IL17RA: variants seen among roughly 807,000 people sequenced by gnomAD.
IL17RA encodes interleukin-17 receptor A.
IL17RA carries 34 observed loss-of-function variants against 50.4 expected under a neutral mutation model. That is an observed-to-expected ratio of 0.67 (90% CI 0.51 to 0.90). The LOEUF (loss-of-function observed/expected upper bound fraction) is 0.90, where lower values mean the gene tolerates loss of function less well. IL17RA is among the 40% of genes least tolerant of loss of function. IL17RA has a pLI of 0.00. For missense variants in IL17RA, 1,276 were observed against 1,169.8 expected (o/e 1.09, Z -1.32); for synonymous variants, 585 against 510.4 (o/e 1.15, Z -1.97).
In IL17RA at chr22:17,114,936, C is replaced by G. The variant is rs529999965; in HGVS notation, c.*5116C>G. 1 of 152,238 alleles carries G rather than the reference C, an allele frequency of 6.6e-6. No individual in the cohort carries two copies. Among genetic ancestry groups the G allele is most frequent in the Non-Finnish European group, 1.5e-5 (1 of 68,072 alleles). 9.4% of individuals were successfully genotyped at this position (152,238 alleles called of 1,614,324 possible). ...AAAGCAGCCCTGAAGGTGGCTGTGA[C>G]GAGGGAAGGGGCAGAGGGCCTGACA... is the stretch of plus-strand genomic sequence containing the variant. On this transcript the variant is annotated 3_prime_UTR_variant, in exon 13 of 13. Transcript: ENST00000319363.
chr22:17,106,015 T>A, intron 11 of IL17RA, 61 bp downstream of exon 11: 1 of 1,284,660 alleles, frequency 7.8e-7, no homozygotes, highest in South Asian at 1.2e-5. Context: ...CACCACTCAC[T>A]ACCAAGGCAA....
At chr22:17,101,745 A>T (rs1219282350) in intron 5 of IL17RA, among the ~76,000 whole-genome samples, 1 of 152,136 alleles carries the variant, frequency 6.6e-6, no homozygotes, top group East Asian at 1.9e-4. Flanking sequence ...GGGGACCAAG[A>T]TTGCTTGGTC....
In IL17RA at chr22:17,100,346, T is replaced by C; in HGVS notation, c.424-9T>C. 1 of 1,614,056 alleles carries C rather than the reference T, an allele frequency of 6.2e-7. No individual in the cohort carries two copies. The highest frequency in any genetic ancestry group is 1.1e-5 in the South Asian group (1 of 91,068). ...ATCCATCCACCTTCCCTTCCTCCCT[T>C]CTCTTCAGTGGCGTTTTACCTTCAG... On this transcript the variant is annotated splice_polypyrimidine_tract_variant and intron_variant, in intron 4 of 12. Coordinates refer to ENST00000319363, the MANE Select transcript of IL17RA (RefSeq NM_014339.7).
chr22:17,085,444 G>A (rs1421731315), intron 1 of IL17RA, among the ~76,000 whole-genome samples: 1 of 152,150 alleles, frequency 6.6e-6, no homozygotes, highest in East Asian at 1.9e-4. Flanking sequence ...TACGGGGGGG[G>A]TGGGTGGCAC....
chr22:17,085,719 G>A (rs1413722145), intron 1 of IL17RA, among the ~76,000 whole-genome samples: 1 of 152,184 alleles, frequency 6.6e-6, no homozygotes. Flanking sequence ...GCCCTCGGGA[G>A]CTTCCCTCAA....
chr22:17,097,651 G>A, intron 2 of IL17RA, 146 bp from the exon 3 acceptor site: 3 of 846,046 alleles, frequency 3.5e-6, no homozygotes, highest in Non-Finnish European at 5.7e-6. Flanking sequence ...GAGCAGGGCA[G>A]TAAAGCTGAG....
chr22:17,097,630 T>C (rs1454063380), intron 2 of IL17RA, 167 bp from the exon 3 acceptor site: 7 of 701,342 alleles, frequency 1.0e-5, no homozygotes, highest in Non-Finnish European at 1.7e-5. Context: ...CAGTAAACAT[T>C]AGAGAAGAGG....
rs368478497 is a variant in IL17RA at position 17,103,707 on chromosome 22, AGT to A, written c.846+132_846+133del. 6.9e-3 allele frequency: 4,987 copies of A among 726,480 alleles called. 159 individuals are homozygous for A. In the African/African-American group the frequency reaches 0.081, roughly 12 times the overall value. 45.0% of individuals were successfully genotyped at this position (726,480 alleles called of 1,614,324 possible). A position where few individuals can be genotyped will look rare whatever the true frequency, so the allele number is the denominator to read the frequency against. On this transcript the variant is annotated intron_variant, in intron 8 of 12. Coordinates refer to ENST00000319363, the MANE Select transcript of IL17RA (RefSeq NM_014339.7). ...GTGGGGAGTGTGCACAGGTGGAGAG[AGT>A]GGTGTGGACGGGAGTGGGGAGCGTG...
At chr22:17,085,331 G>A (rs2061322948) in intron 1 of IL17RA, 102 bp downstream of exon 1, 19 of 1,503,662 alleles carry the variant, frequency 1.3e-5, no homozygotes, top group Non-Finnish European at 1.6e-5. Flanking sequence ...GGCTGGGGAG[G>A]CAGGAAGTCC....
At chr22:17,089,848 G>A (rs1490151759) in intron 1 of IL17RA, among the ~76,000 whole-genome samples, 1 of 151,250 alleles carries the variant, frequency 6.6e-6, no homozygotes, top group Non-Finnish European at 1.5e-5. Context: ...ATGACAGAGT[G>A]AGACCCTGTC....
chr22:17,085,354 T>TAGAGGGGCTC (rs1224947806), intron 1 of IL17RA, 125 bp downstream of exon 1: 1 of 1,470,890 alleles, frequency 6.8e-7, no homozygotes, highest in Non-Finnish European at 9.0e-7. Context: ...GCCGCGGGCT[T>TAGAGGGGCTC]AGAGGGGCTC....
chr22:17,102,162 A>G lies in IL17RA; in HGVS notation c.622A>G (p.Thr208Ala), dbSNP rs1192539170. 1 of 1,614,082 alleles carries G rather than the reference A, an allele frequency of 6.2e-7. No individual in the cohort carries two copies. Among genetic ancestry groups the G allele is most frequent in the East Asian group, 2.2e-5 (1 of 44,880 alleles). Residue 208 changes from threonine (T) to alanine (A), a missense_variant, in exon 7 of 13, where the codon ACC becomes GCC. Physicochemically the swap from Thr to Ala is moderately conservative, Grantham distance 58 (BLOSUM62 0). Coordinates refer to ENST00000319363, the MANE Select transcript of IL17RA (RefSeq NM_014339.7). ...AGGCAGCCTGTGGGACCCCAACATC[A>G]CCGTGGAGACCCTGGAGGCCCACCA... ...SSGSLWDPNI[T>A]VETLEAHQLR...
At chr22:17,090,321 A>C (rs1346983259) in intron 1 of IL17RA, among the ~76,000 whole-genome samples, 1 of 152,198 alleles carries the variant, frequency 6.6e-6, no homozygotes, top group East Asian at 1.9e-4. Flanking sequence ...ATGAAATTAA[A>C]TTATAAGGAA....
intron 1 of IL17RA, among the ~76,000 whole-genome samples, chr22:17,086,187 C>T (rs1192200306): frequency 6.6e-6 from 1 of 152,220 alleles, no homozygotes; most frequent in East Asian, 1.9e-4. Flanking sequence ...AATATACTCT[C>T]CTCTTCCCCG....
At chr22:17,091,491 G>A (rs765626266) in intron 1 of IL17RA, among the ~76,000 whole-genome samples, 3 of 151,870 alleles carry the variant, frequency 2.0e-5, no homozygotes, top group Admixed American at 6.6e-5. Context: ...CCTGTCTAAC[G>A]CAGTGAAACC....
chr22:17,108,680 C>G lies in IL17RA; in HGVS notation c.1461C>G (p.Leu487=). 1 of 1,608,586 alleles carries G rather than the reference C, an allele frequency of 6.2e-7. No homozygotes were observed. The highest frequency in any genetic ancestry group is 8.5e-7 in the Non-Finnish European group (1 of 1,179,842). The change falls in exon 13 of 13, where the codon CTC becomes CTG. Residue 487 remains leucine (L), a synonymous_variant. Coordinates refer to ENST00000319363, the MANE Select transcript of IL17RA (RefSeq NM_014339.7). ...TCACTGCAGCCATGAACATGATCCT[C>G]CCGGACTTCAAGAGGCCAGCCTGCT... is the stretch of plus-strand genomic sequence containing the variant. ...DLFTAAMNMI[L]PDFKRPACFG...
At chr22:17,092,706 CCTT>C (rs1433543027) in intron 1 of IL17RA, among the ~76,000 whole-genome samples, 1 of 142,394 alleles carries the variant, frequency 7.0e-6, no homozygotes, top group Non-Finnish European at 1.5e-5. Context: ...GAATATGTGT[CCTT>C]CTCTTCCAGA....
intron 1 of IL17RA, among the ~76,000 whole-genome samples, chr22:17,087,957 G>A (rs538807700): frequency 6.6e-6 from 1 of 152,238 alleles, no homozygotes; most frequent in East Asian, 1.9e-4. Context: ...TCTTTTGCTT[G>A]CCAGAAGCCA....
At chr22:17,097,336 CT>C in intron 2 of IL17RA, 2 of 570,738 alleles carry the variant, frequency 3.5e-6, no homozygotes, top group Non-Finnish European at 6.3e-6. Flanking sequence ...CTCTGGGGAG[CT>C]GCCCTACTGT....
Sources: gnomAD v4.1 joint callset for allele counts (sites outside exome capture counted in the v4.1 genomes callset) on GRCh38, gnomAD v4.1.1 for gene constraint, MANE v1.5 for transcripts, NCBI Gene and HGNC (gene_info 2026-07-23, HGNC 2026-07-21) for gene names.